The following ABCA4 variants were observed in gnomAD, a reference collection of about 807,000 sequenced individuals.
The protein encoded by ABCA4 is retinal-specific phospholipid-transporting ATPase ABCA4.
ABCA4 carries 196 observed loss-of-function variants against 263.7 expected under a neutral mutation model. The ratio of observed to expected loss-of-function variants is 0.74; its 90% CI spans 0.66 to 0.84. The LOEUF (loss-of-function observed/expected upper bound fraction) is 0.84. ABCA4 is among the 40% of genes least tolerant of loss of function. ABCA4 has a pLI of 0.00. For synonymous variants in ABCA4, 1,133 were observed against 1,094.2 expected, an observed-to-expected ratio of 1.04 and a Z score of -0.70; for missense variants, 2,792 against 2,855.1, an observed-to-expected ratio of 0.98 and a Z score of 0.50.
intron 35 of ABCA4, 82 bp from the exon 36 acceptor site, chr1:94,019,841 G>A: frequency 1.3e-6 from 2 of 1,505,540 alleles, no homozygotes; most frequent in Admixed American, 2.0e-5. Flanking sequence ...TCAGGCTTTG[G>A]GAAGGCCTTA....
chr1:94,116,989 T>C (rs1190109245), intron 1 of ABCA4, among the ~76,000 whole-genome samples: 2 of 121,352 alleles, frequency 1.6e-5, no homozygotes, highest in Middle Eastern at 7.8e-3. Context: ...TTTCTTTCTT[T>C]CTTTCTTTCT....
At chr1:94,079,299 G>C (rs1160801922) in intron 9 of ABCA4, 23 bp downstream of exon 9, 1 of 1,613,720 alleles carries the variant, frequency 6.2e-7, no homozygotes, top group African/African-American at 1.3e-5. Context: ...GGGTACACAA[G>C]GCAAGCCCAG....
At chr1:94,108,079 C>T (rs1032149171) in intron 4 of ABCA4, among the ~76,000 whole-genome samples, 6 of 152,292 alleles carry the variant, frequency 3.9e-5, no homozygotes, top group African/African-American at 1.2e-4. Flanking sequence ...TGCTCTGCCT[C>T]GGGGCCTGGG....
At chr1:94,075,380 C>T (rs1211459392) in intron 11 of ABCA4, among the ~76,000 whole-genome samples, 1 of 152,070 alleles carries the variant, frequency 6.6e-6, no homozygotes, top group Non-Finnish European at 1.5e-5. Flanking sequence ...TTATAAAATG[C>T]ATTCAAGGTC....
At position 93,993,327 on chromosome 1, in the gene ABCA4, GTCAA is replaced by G. The variant is rs1658920298; in HGVS notation, c.6817-89_6817-86del. On this transcript the variant is annotated intron_variant, in intron 49 of 49. Transcript: ENST00000370225. The stretch of plus-strand genomic sequence containing the variant: ...TTTAGATTTCAAAAGCTAAACAGTT[GTCAA>G]TCAATTTCTGAAGGGCACTCAGCTG... 4.4e-6 allele frequency: 7 copies of G among 1,584,462 alleles called. No homozygotes were observed. The Admixed American group carries it at 6.7e-5, about 15-fold the overall frequency.
chr1:94,075,409 G>A (rs1254096051), intron 11 of ABCA4, among the ~76,000 whole-genome samples: 2 of 152,152 alleles, frequency 1.3e-5, no homozygotes, highest in African/African-American at 4.8e-5. Context: ...CTTCAGACAA[G>A]TTGGTGATCG....
chr1:94,117,011 T>TTTCTTTCTTTCTTTCTTTCTTTC (rs1553197154), intron 1 of ABCA4, among the ~76,000 whole-genome samples: 2 of 137,664 alleles, frequency 1.5e-5, no homozygotes, highest in African/African-American at 5.3e-5. Flanking sequence ...TCTTTCTTTC[T>TTTCTTTCTTTCTTTCTTTCTTTC]TTCTTTCTTT....
At chr1:94,043,208 G>T in intron 21 of ABCA4, 128 bp downstream of exon 21, 1 of 1,338,208 alleles carries the variant, frequency 7.5e-7, no homozygotes, top group Non-Finnish European at 1.0e-6. Context: ...TTAGATTTTT[G>T]GTGTAACTTC....
intron 3 of ABCA4, among the ~76,000 whole-genome samples, chr1:94,110,912 A>C (rs535562693): frequency 6.6e-6 from 1 of 152,286 alleles, no homozygotes; most frequent in East Asian, 1.9e-4. Context: ...CAGGGGGCCG[A>C]TGGCAATTAT....
At chr1:94,090,298 T>G (rs868701908) in intron 6 of ABCA4, among the ~76,000 whole-genome samples, 7 of 152,170 alleles carry the variant, frequency 4.6e-5, no homozygotes, top group South Asian at 4.1e-4. Context: ...TCCTTAAATA[T>G]TCATTTAATA....
intron 7 of ABCA4, among the ~76,000 whole-genome samples, chr1:94,081,207 T>A (rs1189723674): frequency 2.0e-5 from 3 of 152,012 alleles, no homozygotes; most frequent in Admixed American, 2.0e-4. Context: ...CCTGGGCGAC[T>A]GAGCAATACT....
chr1:94,045,857 C>T (rs776546426), intron 19 of ABCA4: 2 of 456,140 alleles, frequency 4.4e-6, no homozygotes, highest in Admixed American at 2.3e-5. Flanking sequence ...GGTTCGCTGC[C>T]CCCTGCGAGG....
intron 11 of ABCA4, among the ~76,000 whole-genome samples, chr1:94,073,384 G>A (rs1448738208): frequency 6.6e-6 from 1 of 152,198 alleles, no homozygotes; most frequent in Non-Finnish European, 1.5e-5. Context: ...CCCGGAGGAT[G>A]TGATTTGCAG....
intron 7 of ABCA4, among the ~76,000 whole-genome samples, chr1:94,081,193 C>T (rs1032523402): frequency 1.3e-5 from 2 of 152,096 alleles, no homozygotes; most frequent in Non-Finnish European, 2.9e-5. Flanking sequence ...CCACTGCACT[C>T]CAGCCTGGGC....
At chr1:94,020,035 A>G (rs899854094) in intron 35 of ABCA4, among the ~76,000 whole-genome samples, 25 of 152,234 alleles carry the variant, frequency 1.6e-4, no homozygotes, top group Non-Finnish European at 3.4e-4. Context: ...TATGGTGTAT[A>G]GAAATAGATG....
At chr1:94,070,099 G>T (rs1481118391) in intron 11 of ABCA4, among the ~76,000 whole-genome samples, 2 of 152,126 alleles carry the variant, frequency 1.3e-5, no homozygotes, top group East Asian at 3.8e-4. Flanking sequence ...AACAACTTGG[G>T]CACATGGATG....
chr1:94,005,193 C>G (rs1273210721), intron 44 of ABCA4, among the ~76,000 whole-genome samples: 1 of 152,168 alleles, frequency 6.6e-6, no homozygotes, highest in Non-Finnish European at 1.5e-5. Flanking sequence ...ATTGCTGAGT[C>G]AGAGGATAAA....
At chr1:94,068,520 C>T (rs897321200) in intron 11 of ABCA4, among the ~76,000 whole-genome samples, 2 of 152,092 alleles carry the variant, frequency 1.3e-5, no homozygotes, top group South Asian at 2.1e-4. Flanking sequence ...TATTAGTGCA[C>T]GTATGTACAT....
At chr1:94,017,173 G>T (rs1200394369) in intron 36 of ABCA4, among the ~76,000 whole-genome samples, 1 of 152,164 alleles carries the variant, frequency 6.6e-6, no homozygotes, top group East Asian at 1.9e-4. Flanking sequence ...TATCTTTGAA[G>T]TGCCTCTACC....
Sources: gnomAD v4.1 joint callset for allele counts (sites outside exome capture counted in the v4.1 genomes callset) on GRCh38, gnomAD v4.1.1 for gene constraint, MANE v1.5 for transcripts, NCBI Gene and HGNC (gene_info 2026-07-23, HGNC 2026-07-21) for gene names.